The following CERT1 variants were observed in gnomAD, a reference collection of about 807,000 sequenced individuals.
The protein encoded by CERT1 is ceramide transfer protein.
A neutral mutation model predicts 87.9 loss-of-function variants in CERT1; 31 were observed. That is an observed-to-expected ratio of 0.35 (90% CI 0.27 to 0.48). The LOEUF is 0.48. CERT1 is among the 20% of genes least tolerant of loss of function. The pLI is 0.99. For synonymous variants in CERT1, 289 were observed against 250.9 expected (o/e 1.15, Z -1.44); for missense variants, 487 against 758.0 (o/e 0.64, Z 4.20).
intron 2 of CERT1, among the ~76,000 whole-genome samples, chr5:75,483,544 G>T (rs1337074575): frequency 2.0e-5 from 3 of 152,052 alleles, no homozygotes; most frequent in Non-Finnish European, 4.4e-5. Context: ...ACATCAAGAA[G>T]ATTTAATCCA....
At chr5:75,455,446 G>C (rs1157575772) in intron 3 of CERT1, among the ~76,000 whole-genome samples, 1 of 152,074 alleles carries the variant, frequency 6.6e-6, no homozygotes, top group East Asian at 1.9e-4. Flanking sequence ...TGATTGTAAT[G>C]GTTCCTATTT....
At chr5:75,509,882 G>A (rs963479616) in intron 1 of CERT1, among the ~76,000 whole-genome samples, 1 of 152,080 alleles carries the variant, frequency 6.6e-6, no homozygotes, top group Admixed American at 6.6e-5. Flanking sequence ...GGAGCTTCTC[G>A]TTACTGAAAA....
At chr5:75,476,566 T>C (rs922008342) in intron 2 of CERT1, among the ~76,000 whole-genome samples, 2 of 152,174 alleles carry the variant, frequency 1.3e-5, no homozygotes, top group Admixed American at 6.5e-5. Context: ...AGTGAATCCC[T>C]TCCTTTGCCA....
At chr5:75,436,669 T>G (rs1370120533) in intron 3 of CERT1, among the ~76,000 whole-genome samples, 1 of 152,202 alleles carries the variant, frequency 6.6e-6, no homozygotes, top group African/African-American at 2.4e-5. Context: ...GAATGTCTTT[T>G]GAAATATAAT....
chr5:75,504,183 G>T (rs1181485297), intron 2 of CERT1, among the ~76,000 whole-genome samples: 1 of 151,880 alleles, frequency 6.6e-6, no homozygotes, highest in Non-Finnish European at 1.5e-5. Context: ...CTTCAAGATC[G>T]CAAGGTACAT....
intron 6 of CERT1, among the ~76,000 whole-genome samples, chr5:75,417,822 A>ACTT (rs1763204185): frequency 1.3e-5 from 2 of 152,242 alleles, no homozygotes; most frequent in African/African-American, 4.8e-5. Context: ...TTTAATAAAG[A>ACTT]CTTCTATCCA....
downstream of CERT1, chr5:75,375,639 TAAA>T (rs1007861951): frequency 7.5e-5 from 11 of 146,246 alleles, no homozygotes; most frequent in South Asian, 6.3e-4. Context: ...ATAAAATAAA[TAAA>T]AATATATATT....
At chr5:75,467,444 T>C (rs1037129486) in intron 2 of CERT1, among the ~76,000 whole-genome samples, 15 of 151,840 alleles carry the variant, frequency 9.9e-5, no homozygotes, top group African/African-American at 3.6e-4. Flanking sequence ...GGTTCAAGAC[T>C]AGCCTGGTCA....
chr5:75,461,798 A>G (rs1175717163), intron 2 of CERT1, among the ~76,000 whole-genome samples: 1 of 151,210 alleles, frequency 6.6e-6, no homozygotes, highest in Non-Finnish European at 1.5e-5. Flanking sequence ...GAATAACACA[A>G]AAGTTTTACA....
chr5:75,379,484 A>G lies in CERT1; in HGVS notation c.1748-11T>C. 1 of 1,603,022 alleles carries G rather than the reference A, an allele frequency of 6.2e-7. No individual in the cohort carries two copies. The highest frequency in any genetic ancestry group is 8.5e-7 in the Non-Finnish European group (1 of 1,176,478). ...ATCCTCCAGGGTTCACTGCAAGATA[A>G]AGGAAAATTAAAATGTATTAAGATA... On this transcript the variant is annotated splice_polypyrimidine_tract_variant and intron_variant, in intron 16 of 16. Coordinates refer to ENST00000643780, the MANE Select transcript of CERT1 (RefSeq NM_001379029.1).
intron 2 of CERT1, among the ~76,000 whole-genome samples, chr5:75,490,562 G>C (rs779278378): frequency 4.0e-5 from 6 of 151,610 alleles, no homozygotes; most frequent in Non-Finnish European, 7.4e-5. Flanking sequence ...GCAGTGGCGC[G>C]ATCTCGGCTC....
downstream of CERT1, chr5:75,372,851 CTG>C (rs1039163303): frequency 4.6e-5 from 7 of 152,178 alleles, no homozygotes; most frequent in African/African-American, 1.7e-4. Context: ...GGTCTGATTT[CTG>C]TGTTTTTACA....
chr5:75,375,660 A>G (rs1761274520), downstream of CERT1: 1 of 147,104 alleles, frequency 6.8e-6, no homozygotes, highest in African/African-American at 2.5e-5. Flanking sequence ...ATTATATATA[A>G]TATATATATA....
chr5:75,487,660 G>C (rs1561297751), intron 2 of CERT1, among the ~76,000 whole-genome samples: 1 of 151,944 alleles, frequency 6.6e-6, no homozygotes, highest in East Asian at 1.9e-4. Context: ...AAAAATGGTT[G>C]AAAGATCTGA....
At chr5:75,476,253 A>C (rs1239464901) in intron 2 of CERT1, among the ~76,000 whole-genome samples, 3 of 152,200 alleles carry the variant, frequency 2.0e-5, no homozygotes, top group Non-Finnish European at 4.4e-5. Context: ...TCTTGATTCC[A>C]ATTTGTAACA....
rs745506150 is a variant in CERT1, at chr5:75,511,184, G to A, written c.24C>T (p.Asn8=). 14 of 1,613,000 alleles carry A rather than the reference G, an allele frequency of 8.7e-6. No individual in the cohort carries two copies. In the Admixed American group the frequency reaches 2.3e-4, roughly 27 times the overall value. The part of the protein sequence containing the change: MSDNQSW[N]SSGSEEDPET... ...CTGGATCCTCCTCCGAGCCCGACGA[G>A]TTCCAGCTCTGATTATCCGACATGG... Residue 8 remains asparagine, a synonymous_variant, in exon 1 of 17, where the codon AAC becomes AAT. Transcript: ENST00000643780.
intron 3 of CERT1, among the ~76,000 whole-genome samples, chr5:75,427,653 G>T (rs540030430): frequency 6.6e-6 from 1 of 152,260 alleles, no homozygotes; most frequent in South Asian, 2.1e-4. Context: ...CAAGGCATCT[G>T]TATTATATCC....
At chr5:75,417,312 T>C (rs1029327727) in intron 6 of CERT1, among the ~76,000 whole-genome samples, 1 of 152,142 alleles carries the variant, frequency 6.6e-6, no homozygotes, top group Non-Finnish European at 1.5e-5. Flanking sequence ...GGAGGAGCAA[T>C]ACTTTAACAA....
In CERT1 at chr5:75,511,251, G is replaced by C. The variant is rs1302860175; in HGVS notation, c.-44C>G. ...CAGGAGACCGGCCCCCGCTCCCTCA[G>C]CTGCGCCGGAGGAGGCGCCCAGTCC... On this transcript the variant is annotated 5_prime_UTR_variant, in exon 1 of 17. Coordinates refer to ENST00000643780, the MANE Select transcript of CERT1 (RefSeq NM_001379029.1). 6.2e-7 allele frequency: 1 copy of C among 1,604,868 alleles called. No homozygotes were observed. Among genetic ancestry groups the C allele is most frequent in the Admixed American group, 1.7e-5 (1 of 58,474 alleles).
Sources: allele counts gnomAD v4.1 joint callset (sites outside exome capture counted in the v4.1 genomes callset), GRCh38; gene constraint gnomAD v4.1.1; transcripts MANE v1.5; gene names NCBI Gene and HGNC (gene_info 2026-07-23, HGNC 2026-07-21).